The following RSRC1 variants were observed in gnomAD, a reference collection of about 807,000 sequenced individuals.
The protein encoded by RSRC1 is arginine and serine rich coiled-coil 1.
Under a neutral mutation model 49.1 loss-of-function variants are expected in RSRC1, and 39 were observed. The ratio of observed to expected loss-of-function variants is 0.79; its 90% CI spans 0.61 to 1.04. RSRC1 has a LOEUF of 1.04. RSRC1 is among the 50% of genes least tolerant of loss of function. The pLI is 0.00. For synonymous variants in RSRC1, 143 were observed against 130.8 expected (o/e 1.09, Z -0.63); for missense variants, 388 against 402.4 (o/e 0.96, Z 0.31).
intron 4 of RSRC1, among the ~76,000 whole-genome samples, chr3:158,281,226 A>T (rs1288582535): frequency 6.6e-6 from 1 of 152,164 alleles, no homozygotes; most frequent in Non-Finnish European, 1.5e-5. Context: ...GCTTGAGCAG[A>T]AGGATGAATG....
intron 3 of RSRC1, among the ~76,000 whole-genome samples, chr3:158,155,664 A>G (rs1057291354): frequency 7.3e-5 from 11 of 151,236 alleles, no homozygotes; most frequent in Non-Finnish European, 1.0e-4. Flanking sequence ...GCTGATCTCA[A>G]ACTACTGAGC....
At chr3:158,147,565 C>T (rs1717222022) in intron 3 of RSRC1, among the ~76,000 whole-genome samples, 1 of 151,406 alleles carries the variant, frequency 6.6e-6, no homozygotes, top group South Asian at 2.1e-4. Context: ...TCTTTGACCT[C>T]AAAGTAGCAG....
intron 7 of RSRC1, among the ~76,000 whole-genome samples, chr3:158,506,924 A>G (rs1739886685): frequency 6.6e-6 from 1 of 151,624 alleles, no homozygotes. Context: ...GTTTATGGAA[A>G]AATATCTGCA....
intron 6 of RSRC1, among the ~76,000 whole-genome samples, chr3:158,393,141 CAG>C (rs1398701122): frequency 3.3e-5 from 5 of 151,948 alleles, no homozygotes; most frequent in African/African-American, 1.2e-4. Flanking sequence ...TACAACATAA[CAG>C]AATCTCTGGG....
chr3:158,194,442 A>G (rs1720429770), intron 3 of RSRC1, among the ~76,000 whole-genome samples: 1 of 151,196 alleles, frequency 6.6e-6, no homozygotes, highest in Admixed American at 6.6e-5. Context: ...ATGAACACCC[A>G]TGACATTCTT....
At chr3:158,176,794 C>T (rs544955064) in intron 3 of RSRC1, among the ~76,000 whole-genome samples, 8 of 152,206 alleles carry the variant, frequency 5.3e-5, no homozygotes, top group Non-Finnish European at 8.8e-5. Flanking sequence ...AATTGACAAA[C>T]GGGATCTAAT....
At chr3:158,358,527 A>G (rs1450521752) in intron 6 of RSRC1, among the ~76,000 whole-genome samples, 3 of 152,186 alleles carry the variant, frequency 2.0e-5, no homozygotes, top group African/African-American at 7.2e-5. Context: ...TTTAATGTTT[A>G]TTGTTTAGCC....
chr3:158,379,660 A>C (rs1354471892), intron 6 of RSRC1, among the ~76,000 whole-genome samples: 6 of 152,018 alleles, frequency 3.9e-5, no homozygotes, highest in Non-Finnish European at 8.8e-5. Flanking sequence ...TTCCCCTTCA[A>C]GGCCTTAATG....
At chr3:158,229,187 AACAT>A (rs1171718261) in intron 4 of RSRC1, among the ~76,000 whole-genome samples, 8 of 118,806 alleles carry the variant, frequency 6.7e-5, no homozygotes, top group African/African-American at 1.4e-4. Context: ...TGTATGTGTA[AACAT>A]ACATATATGT....
intron 4 of RSRC1, among the ~76,000 whole-genome samples, chr3:158,212,272 T>C (rs1183388470): frequency 2.0e-5 from 3 of 151,918 alleles, no homozygotes; most frequent in African/African-American, 7.2e-5. Context: ...ACATTGCATT[T>C]TTTTTAAGCA....
intron 6 of RSRC1, among the ~76,000 whole-genome samples, chr3:158,459,725 A>G (rs535269736): frequency 3.9e-4 from 60 of 152,136 alleles, no homozygotes; most frequent in African/African-American, 1.3e-3. Context: ...GGAGTGGCAT[A>G]AAAGTTTTAA....
chr3:158,152,615 G>C (rs1717612844), intron 3 of RSRC1, among the ~76,000 whole-genome samples: 2 of 152,204 alleles, frequency 1.3e-5, no homozygotes, highest in Non-Finnish European at 2.9e-5. Context: ...TTGTGTAGGA[G>C]TTAATTTGGT....
At chr3:158,188,466 CTTTTGTTTACAT>C (rs1720049947) in intron 3 of RSRC1, among the ~76,000 whole-genome samples, 1 of 151,944 alleles carries the variant, frequency 6.6e-6, no homozygotes, top group South Asian at 2.1e-4. Flanking sequence ...ATCCACCAGG[CTTTTGTTTACAT>C]TCCCTCTTCC....
At chr3:158,460,637 T>C (rs1425070400) in intron 6 of RSRC1, among the ~76,000 whole-genome samples, 1 of 151,914 alleles carries the variant, frequency 6.6e-6, no homozygotes, top group Non-Finnish European at 1.5e-5. Context: ...TGACTTTTAA[T>C]GACAAACAAC....
chr3:158,204,569 G>A (rs1453024698), intron 4 of RSRC1, among the ~76,000 whole-genome samples: 1 of 152,132 alleles, frequency 6.6e-6, no homozygotes, highest in East Asian at 1.9e-4. Context: ...AAAGCATATT[G>A]GGAAAATCTC....
intron 7 of RSRC1, among the ~76,000 whole-genome samples, chr3:158,495,371 A>G (rs1359083605): frequency 6.6e-6 from 1 of 151,846 alleles, no homozygotes; most frequent in Non-Finnish European, 1.5e-5. Context: ...CTGCAACTCC[A>G]CCTCCTGGGT....
At chr3:158,432,205 T>C (rs1187002372) in intron 6 of RSRC1, among the ~76,000 whole-genome samples, 6 of 151,974 alleles carry the variant, frequency 3.9e-5, no homozygotes, top group Non-Finnish European at 8.8e-5. Context: ...CAAAGGCAGA[T>C]TTATGAAGAA....
At chr3:158,445,920 A>C (rs1026288665) in intron 6 of RSRC1, among the ~76,000 whole-genome samples, 1 of 152,140 alleles carries the variant, frequency 6.6e-6, no homozygotes, top group African/African-American at 2.4e-5. Context: ...GTTTCTAAAT[A>C]AACAGTTTGA....
At chr3:158,508,664 A>G (rs1739997567) in intron 7 of RSRC1, among the ~76,000 whole-genome samples, 2 of 152,118 alleles carry the variant, frequency 1.3e-5, no homozygotes, top group South Asian at 4.1e-4. Context: ...GCGTGATGAA[A>G]TCTCACACCA....
Sources: gnomAD v4.1 joint callset for allele counts (sites outside exome capture counted in the v4.1 genomes callset) on GRCh38, gnomAD v4.1.1 for gene constraint, MANE v1.5 for transcripts, NCBI Gene and HGNC (gene_info 2026-07-23, HGNC 2026-07-21) for gene names.